The following MLIP variants were observed in gnomAD, a reference collection of about 807,000 sequenced individuals.
MLIP encodes muscular LMNA interacting protein.
Under a neutral mutation model 84.8 loss-of-function variants are expected in MLIP, and 79 were observed. The ratio of observed to expected loss-of-function variants is 0.93; its 90% CI spans 0.78 to 1.12. The LOEUF (loss-of-function observed/expected upper bound fraction) is 1.12. Ranked by LOEUF, MLIP falls within the 50% of genes most tolerant of loss-of-function variation. The pLI is 0.00. For missense variants in MLIP, 1,257 were observed against 1,160.6 expected (o/e 1.08, Z -1.21); for synonymous variants, 504 against 463.0 (o/e 1.09, Z -1.14).
chr6:54,137,687 C>A lies in MLIP; in HGVS notation c.1618C>A (p.Leu540Ile), dbSNP rs560676036. Reference sequence around the variant, plus strand: ...GAAGAGCAATACCATGCTCTCCCTGCTACAAACCAGTACATCCAGTTCTGT... The same window carrying A: ...GAAGAGCAATACCATGCTCTCCCTGATACAAACCAGTACATCCAGTTCTGT... ...TLKSNTMLSLLQTSTSSSVGL... is the reference protein window; with the variant it reads ...TLKSNTMLSLIQTSTSSSVGL... The change falls in exon 4 of 14, where the codon CTA (leucine) becomes ATA (isoleucine). Residue 540 changes from leucine (L) to isoleucine (I), a missense_variant. Coordinates refer to ENST00000502396, the MANE Select transcript of MLIP (RefSeq NM_001281747.2). The A allele has an allele frequency of 3.4e-4, 517 of 1,536,092 alleles. 3 individuals are homozygous for A. The highest frequency in any genetic ancestry group is 2.6e-3 in the South Asian group (216 of 84,058).
intron 1 of MLIP, among the ~76,000 whole-genome samples, chr6:54,061,503 G>A (rs1218631468): frequency 2.0e-5 from 3 of 152,208 alleles, no homozygotes; most frequent in South Asian, 4.1e-4. Context: ...GATAAAATAA[G>A]CAAATAACCA....
chr6:54,172,628 A>G (rs919495171), intron 9 of MLIP, among the ~76,000 whole-genome samples: 1 of 151,622 alleles, frequency 6.6e-6, no homozygotes, highest in Non-Finnish European at 1.5e-5. Context: ...TGGGATAATT[A>G]TAATGGTTTA....
rs143565349 is a variant in MLIP at position 54,087,319 on chromosome 6, G to A, written c.64-34128G>A. Among the ~76,000 whole-genome samples, 30 of 152,242 alleles carry A rather than the reference G, an allele frequency of 2.0e-4. No individual in the cohort carries two copies. The East Asian group carries it at 5.2e-3, about 26-fold the overall frequency. ...TATGTAAACTGCTGAAGAGGTGGAA[G>A]TTTCACATTTATAGCAAATAGCCTT... On this transcript the variant is annotated intron_variant, in intron 1 of 12. Coordinates refer to the MLIP transcript ENST00000274897.
chr6:54,155,666 G>A lies in MLIP; in HGVS notation c.2290-4701G>A, dbSNP rs143021450. On this transcript the variant is annotated intron_variant, in intron 5 of 13. Transcript: ENST00000502396. The stretch of plus-strand genomic sequence containing the variant: ...GTTTCATCAGGGACACTCATAACTG[G>A]GAATACCCATTACAGTTTATTGGCA... Among the ~76,000 whole-genome samples the A allele has an allele frequency of 4.1e-3, 623 of 152,120 alleles. 4 individuals are homozygous for A. Among genetic ancestry groups the A allele is most frequent in the Non-Finnish European group, 7.0e-3 (474 of 67,974 alleles).
intron 11 of MLIP, among the ~76,000 whole-genome samples, chr6:54,221,514 A>G (rs1325590213): frequency 6.7e-6 from 1 of 148,176 alleles, no homozygotes; most frequent in Non-Finnish European, 1.5e-5. Context: ...ATTCAGGCTA[A>G]AAGTTCCTTA....
intron 8 of MLIP, among the ~76,000 whole-genome samples, chr6:54,168,853 CTTTTTTTT>C (rs3996971): frequency 2.8e-4 from 33 of 118,816 alleles, no homozygotes; most frequent in African/African-American, 2.5e-4. Flanking sequence ...GGGTTGAGGT[CTTTTTTTT>C]TTTTTTTTTT....
chr6:54,114,667 T>G (rs1169034415), intron 1 of MLIP, among the ~76,000 whole-genome samples: 9 of 152,214 alleles, frequency 5.9e-5, no homozygotes, highest in Non-Finnish European at 1.0e-4. Flanking sequence ...GTACTACATA[T>G]GTTGTTTATT....
At chr6:54,149,631 C>T (rs1045985371) in intron 5 of MLIP, among the ~76,000 whole-genome samples, 1 of 152,028 alleles carries the variant, frequency 6.6e-6, no homozygotes, top group Admixed American at 6.6e-5. Flanking sequence ...CTCATAGATT[C>T]CATTGTGGAC....
At chr6:54,240,360 T>C (rs1210179262) in intron 12 of MLIP, among the ~76,000 whole-genome samples, 1 of 152,216 alleles carries the variant, frequency 6.6e-6, no homozygotes, top group Non-Finnish European at 1.5e-5. Context: ...TACGGCCTAT[T>C]TTTCTATTGC....
chr6:54,257,105 T>C (rs1308282910), intron 12 of MLIP, among the ~76,000 whole-genome samples: 1 of 152,164 alleles, frequency 6.6e-6, no homozygotes, highest in Non-Finnish European at 1.5e-5. Flanking sequence ...TGTGGTCTTA[T>C]ACACAGAGTA....
intron 12 of MLIP, among the ~76,000 whole-genome samples, chr6:54,238,261 G>A (rs544470768): frequency 6.6e-6 from 1 of 152,240 alleles, no homozygotes; most frequent in African/African-American, 2.4e-5. Flanking sequence ...CACACATAAA[G>A]TATCTAAGCT....
chr6:54,124,519 A>C lies in MLIP; in HGVS notation c.299A>C (p.Glu100Ala), dbSNP rs754369470. ...YLTLNAGSQQERDQAKLTCPS... is the reference protein window; with the variant it reads ...YLTLNAGSQQARDQAKLTCPS... ...ACCTTGAATGCTGGGAGCCAACAAG[A>C]GAGAGACCAAGCGAAATTGACTTGT... is the stretch of plus-strand genomic sequence containing the variant. Residue 100 changes from glutamate to alanine, a missense_variant, in exon 3 of 14, where the codon GAG (glutamate) becomes GCG (alanine). By Grantham distance (107) the Glu-to-Ala change is moderately radical. Coordinates refer to ENST00000502396, the MANE Select transcript of MLIP (RefSeq NM_001281747.2). 6 of 1,614,216 alleles carry C rather than the reference A, an allele frequency of 3.7e-6. No individual in the cohort carries two copies. In the East Asian group the frequency reaches 1.3e-4, roughly 36 times the overall value.
intron 12 of MLIP, among the ~76,000 whole-genome samples, chr6:54,246,579 C>T (rs1782099506): frequency 6.6e-6 from 1 of 152,046 alleles, no homozygotes; most frequent in Non-Finnish European, 1.5e-5. Context: ...TATCTTGAGA[C>T]ATTTCTCTTA....
At chr6:54,246,675 T>C (rs1031071277) in intron 12 of MLIP, among the ~76,000 whole-genome samples, 1 of 152,104 alleles carries the variant, frequency 6.6e-6, no homozygotes, top group Non-Finnish European at 1.5e-5. Flanking sequence ...TGCTTTTCAG[T>C]TTTTTATTGG....
intron 11 of MLIP, among the ~76,000 whole-genome samples, chr6:54,214,197 G>A (rs1162433752): frequency 6.6e-6 from 1 of 152,116 alleles, no homozygotes; most frequent in Non-Finnish European, 1.5e-5. Flanking sequence ...TCTCTTTTGA[G>A]ATGTCTCAAA....
intron 9 of MLIP, among the ~76,000 whole-genome samples, chr6:54,175,826 G>A (rs1263479098): frequency 2.6e-5 from 4 of 151,972 alleles, no homozygotes; most frequent in Non-Finnish European, 5.9e-5. Context: ...TAAAAGAAAA[G>A]CTTTCAGGTT....
At chr6:54,177,762 C>T (rs904602848) in intron 9 of MLIP, among the ~76,000 whole-genome samples, 1 of 152,138 alleles carries the variant, frequency 6.6e-6, no homozygotes, top group Non-Finnish European at 1.5e-5. Context: ...AATTGCAGCA[C>T]TATTCACAAT....
At chr6:54,084,490 G>A (rs1767359894) in intron 1 of MLIP, among the ~76,000 whole-genome samples, 1 of 152,100 alleles carries the variant, frequency 6.6e-6, no homozygotes, top group South Asian at 2.1e-4. Context: ...AGTGAAATAA[G>A]ACAGGGAGAG....
intron 12 of MLIP, among the ~76,000 whole-genome samples, chr6:54,241,487 A>G (rs1266263879): frequency 6.6e-6 from 1 of 152,146 alleles, no homozygotes; most frequent in Admixed American, 6.5e-5. Context: ...AGACTTACTG[A>G]ATCAGAAGGT....
Sources: gnomAD v4.1 joint callset for allele counts (sites outside exome capture counted in the v4.1 genomes callset) on GRCh38, gnomAD v4.1.1 for gene constraint, MANE v1.5 for transcripts, NCBI Gene and HGNC (gene_info 2026-07-23, HGNC 2026-07-21) for gene names.